The following ERBB4 variants were observed in gnomAD, a reference collection of about 807,000 sequenced individuals.
ERBB4 encodes the protein erb-b2 receptor tyrosine kinase 4.
A neutral mutation model predicts 158.0 loss-of-function variants in ERBB4; 42 were observed. The observed-to-expected ratio is 0.27, with a 90% CI of 0.21 to 0.34. ERBB4 has a LOEUF of 0.34. Among genes scored for constraint, ERBB4 ranks in the 10% least tolerant of loss-of-function variants. The pLI, the probability that ERBB4 is intolerant of heterozygous loss-of-function variation, is 1.00. For synonymous variants in ERBB4, 583 were observed against 558.7 expected (o/e 1.04, Z -0.61); for missense variants, 1,333 against 1,624.1 (o/e 0.82, Z 3.08).
chr2:211,642,990 G>A (rs6435648), intron 16 of ERBB4, among the ~76,000 whole-genome samples: 146,409 of 152,158 alleles, frequency 0.96, 70,561 homozygotes, highest in East Asian at 1. Flanking sequence ...CCTAAAAGCA[G>A]TGAAACTAAT....
chr2:212,168,163 C>G (rs960317721), intron 1 of ERBB4, among the ~76,000 whole-genome samples: 1 of 151,842 alleles, frequency 6.6e-6, no homozygotes, highest in Non-Finnish European at 1.5e-5. Flanking sequence ...TCTACTTAAG[C>G]AGCAGCCACT....
intron 1 of ERBB4, among the ~76,000 whole-genome samples, chr2:212,418,040 C>T (rs2091699613): frequency 6.6e-6 from 1 of 151,902 alleles, no homozygotes; most frequent in African/African-American, 2.4e-5. Context: ...CAGCCATCAG[C>T]AAGTCAGGAA....
At chr2:211,721,733 A>AAAATCCAT (rs1360648117) in intron 7 of ERBB4, among the ~76,000 whole-genome samples, 1 of 151,640 alleles carries the variant, frequency 6.6e-6, no homozygotes, top group African/African-American at 2.4e-5. Flanking sequence ...ATTTTAGGTA[A>AAAATCCAT]AAATCCATTG....
chr2:212,222,857 T>A (rs2083342365), intron 1 of ERBB4, among the ~76,000 whole-genome samples: 1 of 151,726 alleles, frequency 6.6e-6, no homozygotes, highest in Non-Finnish European at 1.5e-5. Flanking sequence ...AGTACTATGT[T>A]TATTTTGTTC....
intron 1 of ERBB4, among the ~76,000 whole-genome samples, chr2:212,159,661 T>A (rs1191639286): frequency 6.6e-6 from 1 of 151,782 alleles, no homozygotes; most frequent in Admixed American, 6.6e-5. Flanking sequence ...GGTGCATTAA[T>A]GAAAGCCTGC....
At chr2:212,164,044 T>C (rs1521650) in intron 1 of ERBB4, among the ~76,000 whole-genome samples, 128,844 of 152,040 alleles carry the variant, frequency 0.85, 55,657 homozygotes, top group Non-Finnish European at 0.9. Context: ...TCAAGTGATC[T>C]TCCTGTATCA....
chr2:212,427,163 G>A (rs978768098), intron 1 of ERBB4, among the ~76,000 whole-genome samples: 1 of 152,118 alleles, frequency 6.6e-6, no homozygotes, highest in Non-Finnish European at 1.5e-5. Context: ...TAAATGATCT[G>A]TTATTTATGA....
At chr2:211,484,110 GAT>G (rs1175917261) in intron 20 of ERBB4, among the ~76,000 whole-genome samples, 6 of 152,038 alleles carry the variant, frequency 3.9e-5, no homozygotes, top group African/African-American at 1.4e-4. Context: ...AAGATAGACT[GAT>G]AAATTAAAGG....
intron 2 of ERBB4, among the ~76,000 whole-genome samples, chr2:212,121,674 T>G (rs2079753917): frequency 1.3e-5 from 2 of 152,224 alleles, no homozygotes; most frequent in African/African-American, 4.8e-5. Context: ...CTATTTCACC[T>G]GAAACTTTTT....
chr2:211,552,690 AGTGGCCT>A (rs2067132546), intron 20 of ERBB4, among the ~76,000 whole-genome samples: 6 of 152,226 alleles, frequency 3.9e-5, no homozygotes, highest in Admixed American at 1.3e-4. Context: ...GAAAGGTAAT[AGTGGCCT>A]ATACTCAGTA....
At chr2:211,560,242 C>CTAACAAATT (rs2067348741) in intron 20 of ERBB4, among the ~76,000 whole-genome samples, 1 of 135,792 alleles carries the variant, frequency 7.4e-6, no homozygotes, top group African/African-American at 2.9e-5. Flanking sequence ...ACAGACAGCA[C>CTAACAAATT]TAACAAATTT....
intron 20 of ERBB4, among the ~76,000 whole-genome samples, chr2:211,524,638 G>GC (rs1574669249): frequency 5.0e-5 from 1 of 20,004 alleles, no homozygotes; most frequent in Non-Finnish European, 8.6e-5. Flanking sequence ...GCCCCTCATT[G>GC]CCCGGGGCCG....
At chr2:211,551,683 T>C (rs1405777829) in intron 20 of ERBB4, among the ~76,000 whole-genome samples, 2 of 152,230 alleles carry the variant, frequency 1.3e-5, no homozygotes, top group South Asian at 2.1e-4. Flanking sequence ...TGCATATACA[T>C]GCATATGACT....
chr2:211,626,315 T>C (rs1574880855), intron 17 of ERBB4, among the ~76,000 whole-genome samples: 1 of 152,202 alleles, frequency 6.6e-6, no homozygotes, highest in East Asian at 1.9e-4. Flanking sequence ...AAAAATATGT[T>C]TTATAGTTTT....
intron 2 of ERBB4, among the ~76,000 whole-genome samples, chr2:212,018,604 AC>A (rs1480118624): frequency 4.6e-5 from 7 of 152,198 alleles, no homozygotes; most frequent in African/African-American, 7.2e-5. Context: ...ACGCTTAAAT[AC>A]TAGGTATAGA....
At chr2:212,000,296 T>C (rs1359570889) in intron 2 of ERBB4, among the ~76,000 whole-genome samples, 4 of 151,900 alleles carry the variant, frequency 2.6e-5, no homozygotes, top group South Asian at 2.1e-4. Flanking sequence ...ATACATAACA[T>C]TGACTTGGAG....
chr2:212,211,719 C>T (rs1574443455), intron 1 of ERBB4, among the ~76,000 whole-genome samples: 2 of 151,672 alleles, frequency 1.3e-5, no homozygotes, highest in Non-Finnish European at 1.5e-5. Context: ...CCTCTAAGTT[C>T]CCTCCCCTCC....
chr2:212,078,548 G>A (rs564603796), intron 2 of ERBB4, among the ~76,000 whole-genome samples: 2 of 152,000 alleles, frequency 1.3e-5, no homozygotes, highest in African/African-American at 4.8e-5. Flanking sequence ...AGGTCAGCAA[G>A]CATGTGAATA....
chr2:211,732,782 A>G (rs12613337), intron 5 of ERBB4, among the ~76,000 whole-genome samples: 31,145 of 151,942 alleles, frequency 0.2, 4,045 homozygotes, highest in Non-Finnish European at 0.3. Context: ...CTGAAACCCC[A>G]TCTCTACTAA....
Sources: gnomAD v4.1 joint callset for allele counts (sites outside exome capture counted in the v4.1 genomes callset) on GRCh38, gnomAD v4.1.1 for gene constraint, MANE v1.5 for transcripts, NCBI Gene and HGNC (gene_info 2026-07-23, HGNC 2026-07-21) for gene names.